ERC1: variants seen among roughly 807,000 people sequenced by gnomAD.
ERC1 encodes RAB6 interacting protein 2.
In ERC1, 56 loss-of-function variants were observed where a neutral mutation model predicts 132.0. The ratio of observed to expected loss-of-function variants is 0.42; its 90% CI spans 0.34 to 0.53. The LOEUF (loss-of-function observed/expected upper bound fraction) is 0.53, where lower values mean the gene tolerates loss of function less well. Ranked by LOEUF, ERC1 falls within the 20% of genes least tolerant of loss-of-function variation. The pLI is 0.03. For missense variants in ERC1, 1,202 were observed against 1,349.9 expected, an observed-to-expected ratio of 0.89 and a Z score of 1.72; for synonymous variants, 478 against 476.1, an observed-to-expected ratio of 1.00 and a Z score of -0.05.
At chr12:1,398,879 T>C (rs971230132) in intron 16 of ERC1, among the ~76,000 whole-genome samples, 6 of 151,396 alleles carry the variant, frequency 4.0e-5, no homozygotes, top group Middle Eastern at 3.2e-3. Flanking sequence ...ATGTAATGAG[T>C]TCCCTAGTAA....
intron 1 of ERC1, among the ~76,000 whole-genome samples, chr12:1,014,589 C>G (rs1036909567): frequency 2.0e-5 from 3 of 152,032 alleles, no homozygotes. Context: ...AGGCTTTTAC[C>G]GTACAAATCA....
At chr12:1,225,408 C>T (rs921915882) in intron 12 of ERC1, among the ~76,000 whole-genome samples, 15 of 149,226 alleles carry the variant, frequency 1.0e-4, no homozygotes, top group African/African-American at 3.3e-4. Context: ...TATGATCACG[C>T]CACTCTACTA....
At chr12:1,255,627 T>TGTTTTTTG (rs1566399654) in intron 13 of ERC1, among the ~76,000 whole-genome samples, 1 of 120,486 alleles carries the variant, frequency 8.3e-6, no homozygotes, top group African/African-American at 3.4e-5. Context: ...TGGCCTTTTT[T>TGTTTTTTG]TTTTTTTTTT....
At chr12:1,007,632 G>C (rs1029107814) in intron 1 of ERC1, among the ~76,000 whole-genome samples, 3 of 151,740 alleles carry the variant, frequency 2.0e-5, no homozygotes, top group African/African-American at 7.3e-5. Flanking sequence ...GTGACTCCCA[G>C]ACTTTCAGAT....
intron 7 of ERC1, among the ~76,000 whole-genome samples, chr12:1,129,790 A>G (rs1008784210): frequency 4.6e-5 from 7 of 152,062 alleles, no homozygotes; most frequent in Non-Finnish European, 8.8e-5. Context: ...TATGGAAACA[A>G]CTGTTAAAAG....
intron 12 of ERC1, among the ~76,000 whole-genome samples, chr12:1,213,033 C>T (rs1443652961): frequency 6.6e-6 from 1 of 152,174 alleles, no homozygotes; most frequent in East Asian, 1.9e-4. Flanking sequence ...TGGGCAATGC[C>T]TAAAGCTTAT....
intron 18 of ERC1, among the ~76,000 whole-genome samples, chr12:1,465,714 G>T (rs550456769): frequency 6.6e-6 from 1 of 152,002 alleles, no homozygotes; most frequent in African/African-American, 2.4e-5. Flanking sequence ...CCCTAGAGAG[G>T]TGGGGGCAGT....
At chr12:1,379,454 A>C (rs2088359772) in intron 16 of ERC1, among the ~76,000 whole-genome samples, 1 of 152,228 alleles carries the variant, frequency 6.6e-6, no homozygotes, top group Non-Finnish European at 1.5e-5. Context: ...GTCTCTCCTC[A>C]GAATCTTTCC....
At chr12:1,416,320 G>C (rs766486799) in intron 17 of ERC1, among the ~76,000 whole-genome samples, 2 of 152,194 alleles carry the variant, frequency 1.3e-5, no homozygotes, top group Admixed American at 6.5e-5. Flanking sequence ...CTTGGAGGTT[G>C]AGTAAAGTTT....
intron 1 of ERC1, among the ~76,000 whole-genome samples, chr12:1,016,806 A>G (rs1025659782): frequency 2.0e-5 from 3 of 151,192 alleles, no homozygotes; most frequent in Non-Finnish European, 1.5e-5. Flanking sequence ...GTGTACCACC[A>G]TGCCTGGCTA....
rs141015599 is a variant in ERC1 at position 1,370,700 on chromosome 12, G to GT, written c.2781-1125dup. ...GAAATACTAAGTTCTTACTAATATA[G>GT]TTTTTTTTAAAAGGTTAACAATTTT... On this transcript the variant is annotated intron_variant, in intron 15 of 18. Transcript: ENST00000360905. Among the ~76,000 whole-genome samples the GT allele has an allele frequency of 1.3e-4, 20 of 152,030 alleles. 1 individual carries two copies. Among genetic ancestry groups the GT allele is most frequent in the African/African-American group, 4.3e-4 (18 of 41,450 alleles).
chr12:1,175,972 G>C (rs574953339), intron 8 of ERC1, among the ~76,000 whole-genome samples: 1 of 152,066 alleles, frequency 6.6e-6, no homozygotes. Context: ...AAAGTTATCC[G>C]TGAGGATTGG....
rs559776298 is a variant in ERC1 at position 1,257,104 on chromosome 12, C to T, written c.2488-5930C>T. On this transcript the variant is annotated intron_variant, in intron 13 of 18. Transcript: ENST00000360905. ...TTCTGAAGCTACATCACAAAAGATA[C>T]TGATGCAACTGCCTTGCACTCCTGA... 6.0e-4 allele frequency: 91 copies of T among 151,454 alleles called. 2 individuals are homozygous for T. The highest frequency in any genetic ancestry group is 2.1e-3 in the African/African-American group (87 of 41,036). 9.4% of individuals were successfully genotyped at this position (151,454 alleles called of 1,614,324 possible).
At chr12:1,310,990 C>G (rs2081263660) in intron 15 of ERC1, among the ~76,000 whole-genome samples, 1 of 152,224 alleles carries the variant, frequency 6.6e-6, no homozygotes, top group Non-Finnish European at 1.5e-5. Context: ...TCACCTCTTT[C>G]TTCAAAATCT....
At chr12:1,343,228 C>T (rs1482312857) in intron 15 of ERC1, among the ~76,000 whole-genome samples, 1 of 152,186 alleles carries the variant, frequency 6.6e-6, no homozygotes, top group African/African-American at 2.4e-5. Context: ...AAGCAAATGA[C>T]CATTTCTTTT....
intron 1 of ERC1, among the ~76,000 whole-genome samples, chr12:1,019,736 A>T (rs1428118206): frequency 6.6e-6 from 1 of 152,064 alleles, no homozygotes; most frequent in African/African-American, 2.4e-5. Context: ...TTTTTGAGAC[A>T]GGGTCTTGCC....
intron 7 of ERC1, among the ~76,000 whole-genome samples, chr12:1,119,509 CTT>C (rs1192831624): frequency 6.1e-5 from 8 of 132,112 alleles, no homozygotes; most frequent in African/African-American, 1.2e-4. Flanking sequence ...TTTACTTCTT[CTT>C]TGTGTGTGTG....
At chr12:1,057,918 C>T (rs1973303666) in intron 2 of ERC1, among the ~76,000 whole-genome samples, 1 of 152,020 alleles carries the variant, frequency 6.6e-6, no homozygotes, top group Non-Finnish European at 1.5e-5. Flanking sequence ...AGTGATTTTT[C>T]TCAGGTGTGT....
chr12:1,440,116 A>C (rs952190052), intron 17 of ERC1, among the ~76,000 whole-genome samples: 1 of 151,822 alleles, frequency 6.6e-6, no homozygotes, highest in Non-Finnish European at 1.5e-5. Flanking sequence ...CACTTCAAAC[A>C]TTTATCTTTT....
Sources: allele counts gnomAD v4.1 joint callset (sites outside exome capture counted in the v4.1 genomes callset), GRCh38; gene constraint gnomAD v4.1.1; transcripts MANE v1.5; gene names NCBI Gene and HGNC (gene_info 2026-07-23, HGNC 2026-07-21).